The following SYNE1 variants were observed in gnomAD, a reference collection of about 807,000 sequenced individuals.
SYNE1 encodes the protein spectrin repeat containing nuclear envelope protein 1, also known as nesprin-1.
Under a neutral mutation model 1,111.0 loss-of-function variants are expected in SYNE1, and 616 were observed. The ratio of observed to expected loss-of-function variants is 0.55; its 90% CI spans 0.52 to 0.59. The LOEUF (loss-of-function observed/expected upper bound fraction) is 0.59, where lower values mean the gene tolerates loss of function less well. Among genes scored for constraint, SYNE1 ranks in the 20% least tolerant of loss-of-function variants. The pLI is 0.00. For missense variants in SYNE1, 10,006 were observed against 10,417.0 expected, an observed-to-expected ratio of 0.96 and a Z score of 1.72; for synonymous variants, 3,855 against 3,825.8, an observed-to-expected ratio of 1.01 and a Z score of -0.28.
At chr6:152,168,203 A>G (rs1277178696) in intron 130 of SYNE1, 1 of 765,760 alleles carries the variant, frequency 1.3e-6, no homozygotes, top group East Asian at 2.4e-5. Context: ...CGCCACCACC[A>G]TGAAGCTTCC....
chr6:152,570,632 G>C (rs1161053848), intron 3 of SYNE1, among the ~76,000 whole-genome samples: 3 of 152,162 alleles, frequency 2.0e-5, no homozygotes, highest in African/African-American at 7.2e-5. Flanking sequence ...CAAACTTCGG[G>C]ATGGGTGGTG....
In SYNE1 at chr6:152,453,683, G is replaced by A. The variant is rs1199019295; in HGVS notation, c.2930C>T (p.Ala977Val). ...GAGTTCATCACAAGCTTTCAGGAAA[G>A]CATTGAGCACCCTCTGATCCAGCTG... ...FSQLDQRVLNAFLKACDELTD... is the reference protein window; with the variant it reads ...FSQLDQRVLNVFLKACDELTD... Residue 977 changes from alanine to valine, a missense_variant, in exon 25 of 146, where the codon GCT becomes GTT. This residue lies in a region of SYNE1 where 1,971 missense variants were observed against 2,084.1 expected (regional missense o/e 0.95). Transcript: ENST00000367255. 6.2e-7 allele frequency: 1 copy of A among 1,614,166 alleles called. No homozygotes were observed. Among genetic ancestry groups the A allele is most frequent in the Non-Finnish European group, 8.5e-7 (1 of 1,180,032 alleles).
intron 127 of SYNE1, among the ~76,000 whole-genome samples, chr6:152,200,588 G>A: frequency 6.6e-6 from 1 of 152,234 alleles, no homozygotes; most frequent in East Asian, 1.9e-4. Context: ...TAGATATGGA[G>A]TCTTGCCATA....
intron 112 of SYNE1, 23 bp downstream of exon 112, chr6:152,233,758 C>T (rs1186056002): frequency 3.1e-6 from 5 of 1,614,002 alleles, no homozygotes; most frequent in East Asian, 2.2e-5. Context: ...AGCTATTTCC[C>T]ACGAAAGCAA....
At chr6:152,469,421 A>G (rs550944437) in intron 16 of SYNE1, among the ~76,000 whole-genome samples, 3 of 152,068 alleles carry the variant, frequency 2.0e-5, no homozygotes, top group Non-Finnish European at 4.4e-5. Context: ...TCAGTAGCTA[A>G]ACCATGACCA....
intron 87 of SYNE1, chr6:152,311,167 A>G: frequency 2.4e-6 from 1 of 421,546 alleles, no homozygotes; most frequent in African/African-American, 2.0e-5. Context: ...TCGTGAGAAC[A>G]GGACATAGGA....
At chr6:152,455,827 C>T (rs2098692144) in intron 23 of SYNE1, 59 bp downstream of exon 23, 1 of 1,609,386 alleles carries the variant, frequency 6.2e-7, no homozygotes, top group Non-Finnish European at 8.5e-7. Flanking sequence ...GTGATGGTTT[C>T]TTGTCCTCAC....
At chr6:152,178,767 A>G (rs185259356) in intron 129 of SYNE1, among the ~76,000 whole-genome samples, 27 of 152,358 alleles carry the variant, frequency 1.8e-4, no homozygotes, top group African/African-American at 6.0e-4. Flanking sequence ...TGGGGTCTCC[A>G]TTTGGACAAT....
chr6:152,588,043 C>T (rs1033027623), intron 3 of SYNE1, among the ~76,000 whole-genome samples: 1 of 152,170 alleles, frequency 6.6e-6, no homozygotes, highest in African/African-American at 2.4e-5. Flanking sequence ...TTATCTTAGA[C>T]ATAGATGCCG....
chr6:152,377,733 T>TA (rs1001080011), intron 56 of SYNE1, among the ~76,000 whole-genome samples: 1 of 144,472 alleles, frequency 6.9e-6, no homozygotes, highest in Non-Finnish European at 1.5e-5. Context: ...ACTTTTACAT[T>TA]AAAAATTTCT....
intron 95 of SYNE1, among the ~76,000 whole-genome samples, chr6:152,292,749 A>G (rs1470678849): frequency 1.3e-5 from 2 of 152,202 alleles, no homozygotes; most frequent in Non-Finnish European, 2.9e-5. Context: ...CTTAATTAAC[A>G]TCTAAAAATA....
chr6:152,566,502 G>A (rs542472579), intron 3 of SYNE1, among the ~76,000 whole-genome samples: 1 of 151,808 alleles, frequency 6.6e-6, no homozygotes, highest in Non-Finnish European at 1.5e-5. Context: ...GCAAAATATA[G>A]GTTCAGAGGC....
chr6:152,253,817 G>GTTTTTTTTT (rs1491115589), intron 104 of SYNE1, among the ~76,000 whole-genome samples: 2,026 of 59,148 alleles, frequency 0.034, 840 homozygotes, highest in South Asian at 0.064. Flanking sequence ...GTAGTGGTTT[G>GTTTTTTTTT]GTTTTTTTTT....
intron 41 of SYNE1, among the ~76,000 whole-genome samples, chr6:152,413,943 T>A (rs1162866874): frequency 6.6e-6 from 1 of 151,554 alleles, no homozygotes. Context: ...AGGATTACAG[T>A]TGTTTCATTC....
intron 8 of SYNE1, among the ~76,000 whole-genome samples, chr6:152,508,788 C>G (rs2099070802): frequency 1.3e-5 from 2 of 152,258 alleles, no homozygotes; most frequent in South Asian, 2.1e-4. Flanking sequence ...AGCCACAAAG[C>G]TTTGTTTTCA....
At chr6:152,303,908 C>T (rs1589653739) in intron 91 of SYNE1, among the ~76,000 whole-genome samples, 1 of 136,828 alleles carries the variant, frequency 7.3e-6, no homozygotes, top group African/African-American at 2.9e-5. Context: ...CACATGCACA[C>T]ACACACACAC....
At chr6:152,366,667 G>A (rs767266662) in intron 62 of SYNE1, among the ~76,000 whole-genome samples, 2 of 151,982 alleles carry the variant, frequency 1.3e-5, no homozygotes, top group South Asian at 2.1e-4. Context: ...TCTATATTTC[G>A]ACCTCCAACT....
chr6:152,278,703 C>T lies in SYNE1; in HGVS notation c.18382-423G>A, dbSNP rs367732120. On this transcript the variant is annotated intron_variant, in intron 97 of 145. Transcript: ENST00000367255. ...GTCTAGATCTCCTGACCTCATGATC[C>T]GCCCACCTCGGCCTCCCAAAGTGCT... 1.7e-4 allele frequency among the ~76,000 whole-genome samples: 26 copies of T among 152,146 alleles called. No homozygotes were observed. In the South Asian group the frequency reaches 3.3e-3, roughly 19 times the overall value.
chr6:152,541,759 AAAAAAAG>A (rs202118405), intron 3 of SYNE1, among the ~76,000 whole-genome samples: 28,566 of 142,976 alleles, frequency 0.2, 3,141 homozygotes, highest in Middle Eastern at 0.29. Flanking sequence ...AAAAAAAAAA[AAAAAAAG>A]AAAAGAAATG....
Sources: gnomAD v4.1 joint callset for allele counts (sites outside exome capture counted in the v4.1 genomes callset) on GRCh38, gnomAD v4.1.1 for gene constraint, gnomAD v4.1.1 regional missense constraint, MANE v1.5 for transcripts, NCBI Gene and HGNC (gene_info 2026-07-23, HGNC 2026-07-21) for gene names.